Variants in FOXK2 observed in about 807,000 individuals in gnomAD.
FOXK2 encodes the protein forkhead box protein K2.
Under a neutral mutation model 53.3 loss-of-function variants are expected in FOXK2, and 24 were observed. That is an observed-to-expected ratio of 0.45 (90% confidence interval 0.33 to 0.63). The LOEUF (loss-of-function observed/expected upper bound fraction) is 0.63. FOXK2 is among the 30% of genes least tolerant of loss of function. The pLI, the probability that FOXK2 is intolerant of heterozygous loss-of-function variation, is 0.03. For synonymous variants in FOXK2, 505 were observed against 407.1 expected (o/e 1.24, Z -2.89); for missense variants, 952 against 910.5 (o/e 1.05, Z -0.59).
At chr17:82,523,624 T>C (rs899227220) in intron 1 of FOXK2, among the ~76,000 whole-genome samples, 1 of 151,794 alleles carries the variant, frequency 6.6e-6, no homozygotes, top group Non-Finnish European at 1.5e-5. Flanking sequence ...AGGTGTGCAC[T>C]ACACCACCGC....
intron 2 of FOXK2, among the ~76,000 whole-genome samples, chr17:82,564,083 G>T (rs1164947355): frequency 7.3e-6 from 1 of 137,078 alleles, no homozygotes; most frequent in Non-Finnish European, 1.6e-5. Context: ...TGTTTTTAAA[G>T]TGGTTTTTTT....
In FOXK2 at chr17:82,600,691, C is replaced by T. The variant is rs2143185189; in HGVS notation, c.1787-612C>T. 2 of 152,406 alleles carry T rather than the reference C, an allele frequency of 1.3e-5. 1 individual carries two copies. The allele number at this position is 152,406 out of a possible 1,614,324, so 9.4% of individuals were successfully genotyped here. ...ACTCAGCCTGGTCAGCCGTTAGCAG[C>T]CAGCAGTCTCTGTTCTGCCCACACA... On this transcript the variant is annotated intron_variant, in intron 8 of 8. Coordinates refer to ENST00000335255, the MANE Select transcript of FOXK2 (RefSeq NM_004514.4).
chr17:82,603,851 T>G lies in FOXK2; in HGVS notation c.*2352T>G, dbSNP rs995284902. ...CTGCCACGTTCACTTGGCTTTTTCA[T>G]TGGTACCTAGGAATTTAAGAATATC... On this transcript the variant is annotated 3_prime_UTR_variant, in exon 9 of 9. Transcript: ENST00000335255. The G allele has an allele frequency of 2.4e-4, 36 of 152,086 alleles. No individual in the cohort carries two copies. Among genetic ancestry groups the G allele is most frequent in the African/African-American group, 8.5e-4 (35 of 41,404 alleles). 9.4% of individuals were successfully genotyped at this position (152,086 alleles called of 1,614,324 possible). A position where few individuals can be genotyped will look rare whatever the true frequency, so the allele number is the denominator to read the frequency against.
At position 82,595,930 on chromosome 17, in the gene FOXK2, C is replaced by T. The variant is rs1057429275; in HGVS notation, c.1787-5373C>T. On this transcript the variant is annotated intron_variant, in intron 8 of 8. Transcript: ENST00000335255. ...GCAGCCCGGAACCTGGGATGAGAAA[C>T]GACAGGTGGAAGGTTGTCCAGAGAC... is the stretch of plus-strand genomic sequence containing the variant. The T allele has an allele frequency of 5.1e-5, 64 of 1,264,234 alleles. 1 individual carries two copies. In the Middle Eastern group the frequency reaches 1.4e-3, roughly 27 times the overall value. 78.3% of individuals were successfully genotyped at this position (1,264,234 alleles called of 1,614,324 possible). A position where few individuals can be genotyped will look rare whatever the true frequency, so the allele number is the denominator to read the frequency against.
intron 7 of FOXK2, 54 bp downstream of exon 7, chr17:82,586,254 C>CAGGAGGGGAAAGGAGGAGAGGGGAGA (rs2045148707): frequency 6.2e-6 from 1 of 161,928 alleles, no homozygotes; most frequent in East Asian, 1.1e-4. Flanking sequence ...GAAAGGTGGG[C>CAGGAGGGGAAAGGAGGAGAGGGGAGA]CGGGGGGGGA....
At chr17:82,568,407 C>T (rs1423274893) in intron 3 of FOXK2, among the ~76,000 whole-genome samples, 1 of 152,226 alleles carries the variant, frequency 6.6e-6, no homozygotes, top group Admixed American at 6.5e-5. Flanking sequence ...ATTCAACGCA[C>T]ATCTTAGGGT....
Position 82,567,921 on chromosome 17 carries a change from T to C in FOXK2, c.615-133T>C, listed in dbSNP as rs533886422. On this transcript the variant is annotated intron_variant, in intron 2 of 8. Transcript: ENST00000335255. The stretch of plus-strand genomic sequence containing the variant: ...GTTTCCATAGGAAATGCTGATATTC[T>C]CTTCCTTTTTTTTTTTTTTTTTTTT... 6.8e-4 allele frequency: 469 copies of C among 691,474 alleles called. 1 individual carries two copies. The highest frequency in any genetic ancestry group is 3.6e-3 in the Admixed American group (80 of 21,930). The allele number at this position is 691,474 out of a possible 1,614,324, so 42.8% of individuals were successfully genotyped here.
intron 1 of FOXK2, among the ~76,000 whole-genome samples, chr17:82,562,012 G>A (rs972441979): frequency 8.5e-5 from 13 of 152,304 alleles, no homozygotes; most frequent in Admixed American, 2.0e-4. Flanking sequence ...ACTTGTTTGC[G>A]TTGTTTGTGG....
chr17:82,524,168 G>T (rs1273753544), intron 1 of FOXK2, among the ~76,000 whole-genome samples: 1 of 152,150 alleles, frequency 6.6e-6, no homozygotes, highest in Non-Finnish European at 1.5e-5. Context: ...GGGATTATAG[G>T]TGTGAGCCAC....
At position 82,587,845 on chromosome 17, in the gene FOXK2, T is replaced by C. The variant is rs182429222; in HGVS notation, c.1786+573T>C. ...GCTGGCTGCCGAGTCAACTCTGGCATTGGGGCCTGGCTCAGGTGTGGGCTC... is the reference window on the plus strand; with the variant it reads ...GCTGGCTGCCGAGTCAACTCTGGCACTGGGGCCTGGCTCAGGTGTGGGCTC... On this transcript the variant is annotated intron_variant, in intron 8 of 8. Transcript: ENST00000335255. Among the ~76,000 whole-genome samples the C allele has an allele frequency of 8.5e-5, 13 of 152,292 alleles. No individual in the cohort carries two copies. The East Asian group carries it at 2.1e-3, about 25-fold the overall frequency.
chr17:82,562,305 G>A (rs1439428913), intron 1 of FOXK2, among the ~76,000 whole-genome samples: 1 of 152,230 alleles, frequency 6.6e-6, no homozygotes, highest in Non-Finnish European at 1.5e-5. Flanking sequence ...AGGAGGCTGG[G>A]CGCCATGGCT....
At chr17:82,573,792 A>G (rs1205305171) in intron 4 of FOXK2, among the ~76,000 whole-genome samples, 2 of 152,232 alleles carry the variant, frequency 1.3e-5, no homozygotes, top group Admixed American at 6.5e-5. Context: ...AAGCTTTATT[A>G]GACTCTAATG....
chr17:82,521,002 G>T (rs141129532), intron 1 of FOXK2, among the ~76,000 whole-genome samples: 37 of 152,280 alleles, frequency 2.4e-4, no homozygotes, highest in African/African-American at 7.7e-4. Flanking sequence ...AGCCTGATAG[G>T]GAACTGCCTA....
chr17:82,536,550 G>C (rs2044522659), intron 1 of FOXK2, among the ~76,000 whole-genome samples: 1 of 152,186 alleles, frequency 6.6e-6, no homozygotes, highest in Non-Finnish European at 1.5e-5. Context: ...TGTTTAGTTG[G>C]TGTTTTGACA....
At chr17:82,598,713 C>T (rs1434639829) in intron 8 of FOXK2, among the ~76,000 whole-genome samples, 1 of 152,242 alleles carries the variant, frequency 6.6e-6, no homozygotes, top group East Asian at 1.9e-4. Flanking sequence ...TCTGAAGATG[C>T]CACCTCCTAA....
rs185729033 is a variant in FOXK2, at chr17:82,522,790, C to T, written c.419+2483C>T. 2.3e-4 allele frequency among the ~76,000 whole-genome samples: 35 copies of T among 152,124 alleles called. No homozygotes were observed. The East Asian group carries it at 6.0e-3, about 26-fold the overall frequency. On this transcript the variant is annotated intron_variant, in intron 1 of 8. Coordinates refer to ENST00000335255, the MANE Select transcript of FOXK2 (RefSeq NM_004514.4). ...AGATAAGTTGACCTTTCAGTGAGGG[C>T]CAGAATTCAGACCTTATTTTTTTGA...
intron 1 of FOXK2, among the ~76,000 whole-genome samples, chr17:82,550,633 G>A (rs1483676580): frequency 6.6e-6 from 1 of 151,526 alleles, no homozygotes; most frequent in South Asian, 2.1e-4. Flanking sequence ...CTCCCGAGTA[G>A]CTGGGACTAC....
chr17:82,584,211 G>T, intron 6 of FOXK2, 23 bp downstream of exon 6: 1 of 1,568,854 alleles, frequency 6.4e-7, no homozygotes, highest in East Asian at 2.3e-5. Context: ...GAGAGGAAGC[G>T]AGGGCCCCAA....
chr17:82,556,383 G>T (rs987728081), intron 1 of FOXK2, among the ~76,000 whole-genome samples: 27 of 152,116 alleles, frequency 1.8e-4, no homozygotes, highest in African/African-American at 6.3e-4. Flanking sequence ...GTCGAAGGTT[G>T]CAGTGAGCCA....
Sources: allele counts gnomAD v4.1 joint callset (sites outside exome capture counted in the v4.1 genomes callset), GRCh38; gene constraint gnomAD v4.1.1; transcripts MANE v1.5; gene names NCBI Gene and HGNC (gene_info 2026-07-23, HGNC 2026-07-21).